The following TBCD variants were observed in gnomAD, a reference collection of about 807,000 sequenced individuals.
The protein encoded by TBCD is tubulin-specific chaperone D.
A neutral mutation model predicts 169.3 loss-of-function variants in TBCD; 105 were observed. That is an observed-to-expected ratio of 0.62 (90% CI 0.53 to 0.73). The LOEUF is 0.73. Ranked by LOEUF, TBCD falls within the 30% of genes least tolerant of loss-of-function variation. The pLI is 0.00. For synonymous variants in TBCD, 700 were observed against 643.9 expected (o/e 1.09, Z -1.32); for missense variants, 1,444 against 1,600.1 (o/e 0.90, Z 1.66).
intron 14 of TBCD, among the ~76,000 whole-genome samples, chr17:82,882,097 G>T (rs992653276): frequency 1.1e-4 from 16 of 152,222 alleles, no homozygotes; most frequent in Admixed American, 5.2e-4. Context: ...TGGTCACAAG[G>T]CCCGAGTCAC....
chr17:82,836,312 A>G (rs2053968384), intron 13 of TBCD, among the ~76,000 whole-genome samples: 1 of 152,246 alleles, frequency 6.6e-6, no homozygotes, highest in Non-Finnish European at 1.5e-5. Context: ...GAACCTCTGC[A>G]AGTCAGGTTC....
intron 28 of TBCD, chr17:82,926,799 G>T: frequency 1.9e-6 from 1 of 521,308 alleles, no homozygotes; most frequent in African/African-American, 1.9e-5. Context: ...CTCTGCACTC[G>T]TTGACAGACA....
chr17:82,855,523 C>T (rs1170505878), intron 13 of TBCD, among the ~76,000 whole-genome samples: 1 of 152,052 alleles, frequency 6.6e-6, no homozygotes, highest in Non-Finnish European at 1.5e-5. Context: ...TCACCTCGGC[C>T]TCCTGAAGGG....
intron 35 of TBCD, chr17:82,937,744 TA>T: frequency 1.1e-6 from 1 of 904,024 alleles, no homozygotes; most frequent in Non-Finnish European, 1.6e-6. Flanking sequence ...CAGCCAGCGA[TA>T]GGCACCTTGG....
At position 82,831,561 on chromosome 17, in the gene TBCD, A is replaced by C; in HGVS notation, c.1318+16627A>C. The C allele has an allele frequency of 6.2e-7, 1 of 1,614,104 alleles. No individual in the cohort carries two copies. The highest frequency in any genetic ancestry group is 8.5e-7 in the Non-Finnish European group (1 of 1,180,008). On this transcript the variant is annotated intron_variant, in intron 13 of 38. Transcript: ENST00000355528. The surrounding 1 kb of genome is among the most constrained non-coding windows in gnomAD (Gnocchi z 4.6). ...ACCTGTAGTGATCGTATGTGGCTGG[A>C]GATGGAGCCAGGTGCTTAGGGATCG...
intron 13 of TBCD, among the ~76,000 whole-genome samples, chr17:82,829,195 G>A (rs953963040): frequency 6.6e-6 from 1 of 150,922 alleles, no homozygotes; most frequent in Non-Finnish European, 1.5e-5. Flanking sequence ...ACCCGCAGAC[G>A]TGCACATGCA....
chr17:82,763,813 C>T (rs1011228018), intron 2 of TBCD, among the ~76,000 whole-genome samples, 152 bp from the exon 3 acceptor site: 1 of 152,196 alleles, frequency 6.6e-6, no homozygotes, highest in Non-Finnish European at 1.5e-5. Context: ...GATCATAGCT[C>T]ATTGCCGCCT....
intron 14 of TBCD, among the ~76,000 whole-genome samples, chr17:82,881,427 G>A (rs973086877): frequency 9.9e-5 from 15 of 152,256 alleles, no homozygotes; most frequent in African/African-American, 3.6e-4. Flanking sequence ...CCCGGAACGT[G>A]GGTCTGGGCT....
chr17:82,796,321 C>G (rs546318431), intron 7 of TBCD, among the ~76,000 whole-genome samples: 1 of 152,364 alleles, frequency 6.6e-6, no homozygotes, highest in South Asian at 2.1e-4. Context: ...TACATCTGGA[C>G]TGGTGTGAAA....
At chr17:82,910,332 C>T (rs928703467) in intron 22 of TBCD, among the ~76,000 whole-genome samples, 1 of 152,210 alleles carries the variant, frequency 6.6e-6, no homozygotes, top group Non-Finnish European at 1.5e-5. Flanking sequence ...TGGAGTCTGC[C>T]TCTCCCCAGG....
Position 82,922,793 on chromosome 17 carries a change from C to T in TBCD, c.2179-859C>T, listed in dbSNP as rs982240613. 2.6e-5 allele frequency among the ~76,000 whole-genome samples: 4 copies of T among 152,244 alleles called. No individual in the cohort carries two copies. The highest frequency in any genetic ancestry group is 9.6e-5 in the African/African-American group (4 of 41,458). On this transcript the variant is annotated intron_variant, in intron 25 of 38. Transcript: ENST00000355528. This position sits in a 1 kb window ranked among gnomAD's most constrained non-coding sequence, Gnocchi z 4.1. ...GCCTCTCCAAGGCTGCTCTGTTGGC[C>T]TCGGCTCCTGGGCTTCGGGGGAGCG...
chr17:82,785,688 G>A (rs1398281755), intron 7 of TBCD, among the ~76,000 whole-genome samples: 6 of 133,412 alleles, frequency 4.5e-5, no homozygotes, highest in Admixed American at 2.1e-4. Flanking sequence ...CCATCGCAGC[G>A]GGAGGGGGGT....
At chr17:82,877,126 G>C (rs2146109170) in intron 14 of TBCD, 1 of 380,802 alleles carries the variant, frequency 2.6e-6, no homozygotes, top group East Asian at 1.6e-4. Flanking sequence ...AGTAGTATTG[G>C]CTGGAGCCGG....
chr17:82,857,805 T>C (rs970447900), intron 13 of TBCD, among the ~76,000 whole-genome samples: 3 of 151,804 alleles, frequency 2.0e-5, no homozygotes, highest in Non-Finnish European at 4.4e-5. Flanking sequence ...AAATTATACT[T>C]TAAGTTTTAG....
At chr17:82,941,573 A>G in intron 38 of TBCD, 90 bp downstream of exon 38, 2 of 1,199,950 alleles carry the variant, frequency 1.7e-6, no homozygotes, top group Non-Finnish European at 2.4e-6. Context: ...AGCTTCTGCC[A>G]GCACGTCCAC....
chr17:82,766,721 C>A (rs796384066), intron 4 of TBCD, among the ~76,000 whole-genome samples: 9 of 152,280 alleles, frequency 5.9e-5, no homozygotes, highest in African/African-American at 2.2e-4. Context: ...TCACAGCACT[C>A]AGCATAGAGT....
intron 34 of TBCD, 28 bp from the exon 35 acceptor site, chr17:82,937,243 A>G (rs1214156551): frequency 6.2e-7 from 1 of 1,609,054 alleles, no homozygotes; most frequent in African/African-American, 1.3e-5. Context: ...GTGAAAGCTC[A>G]TCTCTAAAGT....
At chr17:82,808,197 C>T (rs565446400) in intron 11 of TBCD, among the ~76,000 whole-genome samples, 166 of 152,274 alleles carry the variant, frequency 1.1e-3, no homozygotes, top group African/African-American at 2.8e-3. Flanking sequence ...CTGGAGGAGC[C>T]GGTGGCCCTG....
At chr17:82,885,488 TCTC>T (rs1352618280) in intron 15 of TBCD, among the ~76,000 whole-genome samples, 1 of 152,196 alleles carries the variant, frequency 6.6e-6, no homozygotes, top group Non-Finnish European at 1.5e-5. Context: ...CAGAAGCTCT[TCTC>T]TGTCCCTGAA....
Sources: allele counts gnomAD v4.1 joint callset (sites outside exome capture counted in the v4.1 genomes callset), GRCh38; gene constraint gnomAD v4.1.1; non-coding constraint Gnocchi (gnomAD v3.1); transcripts MANE v1.5; gene names NCBI Gene and HGNC (gene_info 2026-07-23, HGNC 2026-07-21).